The following TTPAL variants were observed in gnomAD, a reference collection of about 807,000 sequenced individuals.
TTPAL encodes the protein alpha tocopherol transfer protein like.
A neutral mutation model predicts 28.7 loss-of-function variants in TTPAL; 21 were observed. The observed-to-expected ratio is 0.73, with a 90% confidence interval of 0.52 to 1.06. TTPAL has a LOEUF of 1.06. TTPAL is among the 50% of genes least tolerant of loss of function. The pLI is 0.00. For missense variants in TTPAL, 345 were observed against 425.5 expected, an observed-to-expected ratio of 0.81 and a Z score of 1.67; for synonymous variants, 169 against 171.9, an observed-to-expected ratio of 0.98 and a Z score of 0.13.
In TTPAL at chr20:44,489,607, T is replaced by C. The variant is rs2064186290; in HGVS notation, c.*66T>C. On this transcript the variant is annotated 3_prime_UTR_variant, in exon 5 of 5. Coordinates refer to ENST00000262605, the MANE Select transcript of TTPAL (RefSeq NM_001039199.3). ...TTTCTTTGGAGAGGCACAAGGAGAA[T>C]TTAAGGGTCCATGGATTCAGTCTTG... 1 of 1,495,548 alleles carries C rather than the reference T, an allele frequency of 6.7e-7. No homozygotes were observed. The highest frequency in any genetic ancestry group is 9.0e-7 in the Non-Finnish European group (1 of 1,112,952). 92.6% of individuals were successfully genotyped at this position (1,495,548 alleles called of 1,614,324 possible).
chr20:44,480,303 T>C lies in TTPAL; in HGVS notation c.304T>C (p.Tyr102His), dbSNP rs1375204696. Residue 102 changes from tyrosine to histidine, a missense_variant, in exon 2 of 5, where the codon TAC (tyrosine) becomes CAC (histidine). Physicochemically the swap from Tyr to His is moderately conservative, Grantham distance 83. Transcript: ENST00000262605. This position sits in a 1 kb window ranked among gnomAD's most constrained non-coding sequence, Gnocchi z 4.1. ...CCGGGCCCTGCAGCTCCTCGTCAAC[T>C]ACCACAGCTGTAGAAGAAGCTGGCC... ...YDRALQLLVN[Y>H]HSCRRSWPEV... is the part of the protein sequence containing the mutation. 3.1e-6 allele frequency: 5 copies of C among 1,614,176 alleles called. No individual in the cohort carries two copies. In the South Asian group the frequency reaches 5.5e-5, roughly 18 times the overall value.
At chr20:44,478,224 C>T (rs2064064120) in intron 1 of TTPAL, among the ~76,000 whole-genome samples, 2 of 152,194 alleles carry the variant, frequency 1.3e-5, no homozygotes, top group Non-Finnish European at 2.9e-5. Context: ...AAGGACAGCA[C>T]CTGGGAAGGG....
chr20:44,486,805 A>G, intron 4 of TTPAL, 99 bp downstream of exon 4: 1 of 685,272 alleles, frequency 1.5e-6, no homozygotes, highest in South Asian at 1.9e-5. Context: ...GGAACAACTA[A>G]TTTGGAAAAG....
intron 2 of TTPAL, among the ~76,000 whole-genome samples, chr20:44,482,225 T>C (rs1316847904): frequency 2.0e-5 from 3 of 152,134 alleles, no homozygotes; most frequent in Non-Finnish European, 4.4e-5. Context: ...GCTGGCACAA[T>C]TTGGGGACAA....
chr20:44,484,361 C>A lies in TTPAL; in HGVS notation c.470C>A (p.Pro157Gln). The change falls in exon 3 of 5, where the codon CCA becomes CAA. Residue 157 changes from proline (P) to glutamine (Q), a missense_variant. Pro to Gln is a moderately conservative substitution (Grantham distance 76). Coordinates refer to ENST00000262605, the MANE Select transcript of TTPAL (RefSeq NM_001039199.3). Reference protein sequence around the residue: ...RPDRWIPSNYPITENIRAIYL... With the variant: ...RPDRWIPSNYQITENIRAIYL... ...GACAGATGGATACCAAGCAACTATC[C>A]AATTACTGAAAACATCCGAGCCATA... The A allele has an allele frequency of 6.3e-7, 1 of 1,577,500 alleles. No homozygotes were observed. The highest frequency in any genetic ancestry group is 1.1e-5 in the South Asian group (1 of 88,678).
chr20:44,476,824 C>T (rs1274594586), intron 1 of TTPAL, among the ~76,000 whole-genome samples: 2 of 152,226 alleles, frequency 1.3e-5, no homozygotes, highest in East Asian at 3.8e-4. Flanking sequence ...CCTGTGAGCA[C>T]AGTGCCTGAC....
intron 2 of TTPAL, among the ~76,000 whole-genome samples, chr20:44,481,298 A>G (rs1290323971): frequency 1.3e-5 from 2 of 152,106 alleles, no homozygotes; most frequent in Non-Finnish European, 2.9e-5. Flanking sequence ...TAATCCCCGC[A>G]CTTTGGGAGG....
Position 44,480,239 on chromosome 20 carries a change from C to G in TTPAL, c.240C>G (p.Phe80Leu), listed in dbSNP as rs1320816204. 2.5e-6 allele frequency: 4 copies of G among 1,614,178 alleles called. No homozygotes were observed. Among genetic ancestry groups the G allele is most frequent in the Non-Finnish European group, 3.4e-6 (4 of 1,180,020 alleles). The stretch of plus-strand genomic sequence containing the variant: ...TGAGCACATCCCTCGACGATGCCTT[C>G]CTGCTGCGCTTCCTCCGAGCCCGCA... ...PNLSTSLDDA[F>L]LLRFLRARKF... The change falls in exon 2 of 5, where the codon TTC (phenylalanine) becomes TTG (leucine). Residue 80 changes from phenylalanine (F) to leucine (L), a missense_variant. Transcript: ENST00000262605. The surrounding 1 kb of genome is among the most constrained non-coding windows in gnomAD (Gnocchi z 4.1).
At position 44,480,547 on chromosome 20, in the gene TTPAL, T is replaced by C; in HGVS notation, c.445+103T>C. ...CCAAGTCCCTTTTTTACCCCTCCTT[T>C]GTTATAGTCAAGGCTCTTTTGATTG... On this transcript the variant is annotated intron_variant, in intron 2 of 4. Transcript: ENST00000262605. This position sits in a 1 kb window ranked among gnomAD's most constrained non-coding sequence, Gnocchi z 4.1. 1 of 1,163,832 alleles carries C rather than the reference T, an allele frequency of 8.6e-7. No homozygotes were observed. Among genetic ancestry groups the C allele is most frequent in the South Asian group, 1.5e-5 (1 of 65,978 alleles). 72.1% of individuals were successfully genotyped at this position (1,163,832 alleles called of 1,614,324 possible). A position where few individuals can be genotyped will look rare whatever the true frequency, so the allele number is the denominator to read the frequency against.
At chr20:44,481,209 T>C (rs1285055098) in intron 2 of TTPAL, among the ~76,000 whole-genome samples, 1 of 152,144 alleles carries the variant, frequency 6.6e-6, no homozygotes, top group Non-Finnish European at 1.5e-5. Context: ...TTTGTCATGG[T>C]GGTTTACGAA....
In TTPAL at chr20:44,486,723, T is replaced by C; in HGVS notation, c.750+17T>C. 6 of 1,432,670 alleles carry C rather than the reference T, an allele frequency of 4.2e-6. No individual in the cohort carries two copies. The highest frequency in any genetic ancestry group is 1.8e-4 in the Middle Eastern group (1 of 5,636). The allele number at this position is 1,432,670 out of a possible 1,614,324, so 88.7% of individuals were successfully genotyped here. A position where few individuals can be genotyped will look rare whatever the true frequency, so the allele number is the denominator to read the frequency against. On this transcript the variant is annotated intron_variant, in intron 4 of 4. Transcript: ENST00000262605. ...GCAAACAGAGTAAGTGATGATCCTA[T>C]TGACTTCAGATTTTTCTTTTCCTCT...
intron 3 of TTPAL, among the ~76,000 whole-genome samples, chr20:44,485,084 G>T (rs932847261): frequency 6.6e-6 from 1 of 152,198 alleles, no homozygotes; most frequent in East Asian, 1.9e-4. Context: ...TTGCACTCCA[G>T]CCTGGGTGAG....
At chr20:44,481,680 A>C (rs2064106910) in intron 2 of TTPAL, among the ~76,000 whole-genome samples, 1 of 152,166 alleles carries the variant, frequency 6.6e-6, no homozygotes, top group South Asian at 2.1e-4. Flanking sequence ...TTTGATGGGG[A>C]GTGGACACCT....
rs1040715670 is a variant in TTPAL, at chr20:44,490,371, G to A, written c.*830G>A. ...AGGTGTACAACTATGGACAAGATAT[G>A]GGCCTCTACTTTCTCCTCTATAAAA... On this transcript the variant is annotated 3_prime_UTR_variant, in exon 5 of 5. Transcript: ENST00000262605. 2 of 152,294 alleles carry A rather than the reference G, an allele frequency of 1.3e-5. No individual in the cohort carries two copies. The highest frequency in any genetic ancestry group is 4.8e-5 in the African/African-American group (2 of 41,424). The allele number at this position is 152,294 out of a possible 1,614,324, so 9.4% of individuals were successfully genotyped here.
intron 4 of TTPAL, 71 bp downstream of exon 4, chr20:44,486,777 G>GT (rs2064155898): frequency 1.2e-5 from 11 of 880,778 alleles, no homozygotes; most frequent in Non-Finnish European, 1.6e-5. Context: ...TCTGGTACTT[G>GT]TTTATTATTT....
At chr20:44,476,774 T>C (rs2122734799) in intron 1 of TTPAL, among the ~76,000 whole-genome samples, 1 of 152,372 alleles carries the variant, frequency 6.6e-6, no homozygotes, top group African/African-American at 2.4e-5. Context: ...TAAGCTTTAT[T>C]AGGCAAGGAA....
At chr20:44,478,058 G>T (rs1460656334) in intron 1 of TTPAL, among the ~76,000 whole-genome samples, 1 of 152,254 alleles carries the variant, frequency 6.6e-6, no homozygotes, top group Non-Finnish European at 1.5e-5. Flanking sequence ...GTTCGAGGTT[G>T]CAGAGAGCTA....
rs1157954747 is a variant in TTPAL, at chr20:44,493,610, A to G, written c.*4069A>G. The G allele has an allele frequency of 6.6e-6, 1 of 152,346 alleles. No individual in the cohort carries two copies. Among genetic ancestry groups the G allele is most frequent in the African/African-American group, 2.4e-5 (1 of 41,444 alleles). The allele number at this position is 152,346 out of a possible 1,614,324, so 9.4% of individuals were successfully genotyped here. A position where few individuals can be genotyped will look rare whatever the true frequency, so the allele number is the denominator to read the frequency against. On this transcript the variant is annotated 3_prime_UTR_variant, in exon 5 of 5. Coordinates refer to ENST00000262605, the MANE Select transcript of TTPAL (RefSeq NM_001039199.3). ...CTAAACCAATTATATACTATATACT[A>G]TACACTGTATCTCCTGTGGCCATGA... is the stretch of plus-strand genomic sequence containing the variant.
At chr20:44,486,217 G>A (rs573557380) in intron 3 of TTPAL, 1 of 155,100 alleles carries the variant, frequency 6.4e-6, no homozygotes, top group Non-Finnish European at 1.4e-5. Flanking sequence ...AAGTAGCTGG[G>A]ATTATAGACA....
Sources: gnomAD v4.1 joint callset for allele counts (sites outside exome capture counted in the v4.1 genomes callset) on GRCh38, gnomAD v4.1.1 for gene constraint, Gnocchi (gnomAD v3.1) non-coding constraint, MANE v1.5 for transcripts, NCBI Gene and HGNC (gene_info 2026-07-23, HGNC 2026-07-21) for gene names.